Variants in PAPPA2 observed in about 807,000 individuals in gnomAD.
PAPPA2 encodes the protein pappalysin 2.
In PAPPA2, 86 loss-of-function variants were observed where a neutral mutation model predicts 176.4. The observed-to-expected ratio is 0.49, with a 90% CI of 0.41 to 0.58. PAPPA2 has a LOEUF of 0.58. PAPPA2 is among the 20% of genes least tolerant of loss of function. The pLI, the probability that PAPPA2 is intolerant of heterozygous loss-of-function variation, is 0.00. For missense variants in PAPPA2, 2,073 were observed against 2,256.9 expected (o/e 0.92, Z 1.65); for synonymous variants, 809 against 852.2 (o/e 0.95, Z 0.88).
intron 3 of PAPPA2, among the ~76,000 whole-genome samples, chr1:176,660,462 G>A (rs1011007957): frequency 4.0e-5 from 6 of 151,854 alleles, no homozygotes; most frequent in Middle Eastern, 3.2e-3. Flanking sequence ...CATGTCGTTC[G>A]CAAATTTGAC....
intron 3 of PAPPA2, among the ~76,000 whole-genome samples, chr1:176,600,675 C>CA (rs749068016): frequency 0.11 from 8,928 of 80,338 alleles, 1,132 homozygotes; most frequent in African/African-American, 0.31. Flanking sequence ...GACTCCGTCT[C>CA]AAAAAAAAAA....
intron 21 of PAPPA2, among the ~76,000 whole-genome samples, chr1:176,816,402 C>CA (rs939361350): frequency 7.1e-6 from 1 of 141,798 alleles, no homozygotes; most frequent in Non-Finnish European, 1.6e-5. Context: ...CACACACACA[C>CA]GCATACACAC....
chr1:176,697,025 T>C (rs1660418754), intron 7 of PAPPA2, among the ~76,000 whole-genome samples: 1 of 152,212 alleles, frequency 6.6e-6, no homozygotes, highest in Admixed American at 6.5e-5. Context: ...GATTTGCATT[T>C]CATAAAGGGC....
chr1:176,581,655 T>G (rs1652966723), intron 2 of PAPPA2, among the ~76,000 whole-genome samples: 1 of 152,146 alleles, frequency 6.6e-6, no homozygotes. Context: ...GTAGTTTTCC[T>G]TGTAGAGATC....
At chr1:176,694,998 T>G (rs1660303045) in intron 6 of PAPPA2, among the ~76,000 whole-genome samples, 1 of 152,224 alleles carries the variant, frequency 6.6e-6, no homozygotes, top group Admixed American at 6.5e-5. Flanking sequence ...CTGCAGAGTT[T>G]ACATTTGAAT....
At chr1:176,636,074 C>G (rs1469801913) in intron 3 of PAPPA2, among the ~76,000 whole-genome samples, 1 of 152,086 alleles carries the variant, frequency 6.6e-6, no homozygotes, top group Non-Finnish European at 1.5e-5. Context: ...GTTCTTTCCT[C>G]CCTCTGTGGC....
At chr1:176,465,907 C>T (rs1014997351) in intron 1 of PAPPA2, among the ~76,000 whole-genome samples, 2 of 151,998 alleles carry the variant, frequency 1.3e-5, no homozygotes, top group African/African-American at 4.8e-5. Flanking sequence ...GTTTTCTGTT[C>T]CTGTATATCA....
chr1:176,587,012 G>T (rs1420821840), intron 2 of PAPPA2, among the ~76,000 whole-genome samples: 3 of 152,084 alleles, frequency 2.0e-5, no homozygotes, highest in Non-Finnish European at 4.4e-5. Context: ...GTGTCTCATT[G>T]TGGTTTTGAT....
At chr1:176,614,201 G>A (rs1471277722) in intron 3 of PAPPA2, among the ~76,000 whole-genome samples, 2 of 152,184 alleles carry the variant, frequency 1.3e-5, no homozygotes, top group Non-Finnish European at 2.9e-5. Context: ...GGAATGAAAG[G>A]AGGCACTTTG....
chr1:176,566,461 C>A (rs1234677300), intron 2 of PAPPA2, among the ~76,000 whole-genome samples: 1 of 151,960 alleles, frequency 6.6e-6, no homozygotes, highest in African/African-American at 2.4e-5. Context: ...CTCAGGGAGA[C>A]AATGCAGTGG....
chr1:176,519,909 G>A (rs1240202637), intron 1 of PAPPA2, among the ~76,000 whole-genome samples: 1 of 152,158 alleles, frequency 6.6e-6, no homozygotes, highest in Non-Finnish European at 1.5e-5. Context: ...TCTTCTACTT[G>A]ACTGTGTTTC....
chr1:176,706,471 C>T (rs371449019), intron 10 of PAPPA2, 21 bp downstream of exon 10: 36 of 1,600,558 alleles, frequency 2.2e-5, no homozygotes, highest in Non-Finnish European at 2.8e-5. Flanking sequence ...GAGTTTCAGT[C>T]TAAGATTGTG....
intron 12 of PAPPA2, among the ~76,000 whole-genome samples, chr1:176,721,338 A>G (rs1661606185): frequency 2.0e-5 from 3 of 152,212 alleles, no homozygotes; most frequent in Admixed American, 2.0e-4. Context: ...TTAAAGTAAA[A>G]TGAATTTAAA....
intron 1 of PAPPA2, among the ~76,000 whole-genome samples, chr1:176,553,094 G>T (rs1440857810): frequency 1.3e-5 from 2 of 152,252 alleles, no homozygotes; most frequent in South Asian, 2.1e-4. Context: ...TTGCTCGGGG[G>T]TGTGTATGTG....
intron 3 of PAPPA2, among the ~76,000 whole-genome samples, chr1:176,619,946 A>T (rs1655490869): frequency 6.6e-6 from 1 of 152,160 alleles, no homozygotes; most frequent in African/African-American, 2.4e-5. Flanking sequence ...AAACCACTGG[A>T]TTGGGAGGTA....
chr1:176,845,081 G>A lies in PAPPA2; in HGVS notation c.*2627G>A, dbSNP rs1667618451. 6.6e-6 allele frequency: 1 copy of A among 152,074 alleles called. No homozygotes were observed. The highest frequency in any genetic ancestry group is 2.1e-4 in the South Asian group (1 of 4,826). The allele number at this position is 152,074 out of a possible 1,614,324, so 9.4% of individuals were successfully genotyped here. On this transcript the variant is annotated 3_prime_UTR_variant, in exon 23 of 23. Transcript: ENST00000367662. ...GGACCTGATGTTTTGAGCAACTCAG[G>A]TCACTGATAAAGTGGAAGGACTAAG...
intron 3 of PAPPA2, among the ~76,000 whole-genome samples, chr1:176,668,769 A>G (rs1304726012): frequency 6.6e-6 from 1 of 152,186 alleles, no homozygotes; most frequent in Non-Finnish European, 1.5e-5. Context: ...CTAGCTTTTT[A>G]AAATATATTC....
chr1:176,579,656 G>T (rs1449636908), intron 2 of PAPPA2, among the ~76,000 whole-genome samples: 2 of 152,246 alleles, frequency 1.3e-5, no homozygotes, highest in East Asian at 1.9e-4. Context: ...TAACAATTAA[G>T]AACTAATTAT....
At position 176,710,106 on chromosome 1, in the gene PAPPA2, G is replaced by A. The variant is rs190602100; in HGVS notation, c.3581G>A (p.Arg1194Gln). The stretch of plus-strand genomic sequence containing the variant: ...GGATACTTGGATCAATGGGCTACCC[G>A]GGCTTACTCCTCTCATGAAGACAAG... ...PKGYLDQWAT[R>Q]AYSSHEDKKK... The change falls in exon 11 of 23, where the codon CGG (arginine) becomes CAG (glutamine). Residue 1194 changes from arginine to glutamine, a missense_variant. Physicochemically the swap from Arg to Gln is conservative, Grantham distance 43. This residue lies in a region of PAPPA2 where 846 missense variants were observed against 857.9 expected (regional missense o/e 0.99). Coordinates refer to ENST00000367662, the MANE Select transcript of PAPPA2 (RefSeq NM_020318.3). The A allele has an allele frequency of 4.4e-4, 716 of 1,613,824 alleles. 3 individuals carry two copies. Among genetic ancestry groups the A allele is most frequent in the African/African-American group, 1.1e-3 (79 of 75,000 alleles).
Sources: allele counts gnomAD v4.1 joint callset (sites outside exome capture counted in the v4.1 genomes callset), GRCh38; gene constraint gnomAD v4.1.1; regional missense constraint gnomAD v4.1.1; transcripts MANE v1.5; gene names NCBI Gene and HGNC (gene_info 2026-07-23, HGNC 2026-07-21).